Variants in RGS6 observed in about 807,000 individuals in gnomAD.
The protein encoded by RGS6 is regulator of G-protein signaling 6.
In RGS6, 30 loss-of-function variants were observed where a neutral mutation model predicts 78.5. The ratio of observed to expected loss-of-function variants is 0.38; its 90% CI spans 0.29 to 0.52. RGS6 has a LOEUF of 0.52. RGS6 is among the 20% of genes least tolerant of loss of function. The probability of loss-of-function intolerance (pLI) is 0.85; values close to 1 mark genes in which losing one functional copy is unlikely to be tolerated. For missense variants in RGS6, 495 were observed against 609.7 expected (o/e 0.81, Z 1.98); for synonymous variants, 206 against 206.0 (o/e 1.00, Z 0.00).
intron 15 of RGS6, 120 bp from the exon 16 acceptor site, chr14:72,536,066 A>C (rs1471438875): frequency 2.5e-5 from 19 of 749,626 alleles, no homozygotes. Flanking sequence ...TTCTAGGTAC[A>C]TGCAAACATA....
At chr14:72,549,600 A>C (rs2097468704) in intron 17 of RGS6, among the ~76,000 whole-genome samples, 1 of 152,208 alleles carries the variant, frequency 6.6e-6, no homozygotes, top group Non-Finnish European at 1.5e-5. Flanking sequence ...GGTGGCTCAC[A>C]TCTGTAATCC....
At chr14:72,481,477 C>T (rs1457284472) in intron 12 of RGS6, among the ~76,000 whole-genome samples, 1 of 152,196 alleles carries the variant, frequency 6.6e-6, no homozygotes, top group Non-Finnish European at 1.5e-5. Flanking sequence ...GCTGACCTTG[C>T]ACTGCATGTC....
chr14:72,075,200 G>A lies in RGS6; in HGVS notation c.84+110325G>A, dbSNP rs111842153. 2.1e-3 allele frequency among the ~76,000 whole-genome samples: 312 copies of A among 152,138 alleles called. 1 individual carries two copies. The highest frequency in any genetic ancestry group is 7.2e-3 in the African/African-American group (298 of 41,506). On this transcript the variant is annotated intron_variant, in intron 2 of 17. Coordinates refer to ENST00000553525, the MANE Select transcript of RGS6 (RefSeq NM_001204424.2). ...TAGGCATATTATCATTAGAAAACTC[G>A]CCCATTTTCCCATGGTGTTTAAAAG...
intron 15 of RGS6, among the ~76,000 whole-genome samples, chr14:72,523,381 A>G (rs115861446): frequency 0.028 from 4,319 of 152,228 alleles, 98 homozygotes; most frequent in East Asian, 0.076. Flanking sequence ...ACCTCAGCCC[A>G]TGGGGCTCAG....
chr14:72,540,839 G>A (rs17117164), intron 17 of RGS6: 16 of 985,254 alleles, frequency 1.6e-5, no homozygotes, highest in Non-Finnish European at 1.9e-5. Context: ...CAGGTTCATG[G>A]TACGCCCCAG....
At chr14:72,128,648 A>T (rs1197471000) in intron 2 of RGS6, among the ~76,000 whole-genome samples, 6 of 152,094 alleles carry the variant, frequency 3.9e-5, no homozygotes, top group Non-Finnish European at 8.8e-5. Flanking sequence ...TTAAATAAAC[A>T]CTCACTTATG....
intron 2 of RGS6, among the ~76,000 whole-genome samples, chr14:72,153,154 G>A (rs1203311331): frequency 6.6e-6 from 1 of 152,148 alleles, no homozygotes; most frequent in Admixed American, 6.5e-5. Flanking sequence ...AATGTCACTT[G>A]CTCTCTGTTG....
chr14:71,890,143 T>C, the RGS6 span, among the ~76,000 whole-genome samples: 36 of 152,158 alleles, frequency 2.4e-4, no homozygotes, highest in Non-Finnish European at 4.7e-4. Flanking sequence ...GTCTCTGGTA[T>C]TTCTTTACAG....
At chr14:72,068,663 AT>A in intron 2 of RGS6, among the ~76,000 whole-genome samples, 1 of 151,412 alleles carries the variant, frequency 6.6e-6, no homozygotes, top group East Asian at 2.0e-4. Flanking sequence ...CACCCGGCTA[AT>A]TTTTGCATTT....
intron 17 of RGS6, chr14:72,547,032 G>A: frequency 1.4e-6 from 1 of 738,802 alleles, no homozygotes; most frequent in East Asian, 2.7e-5. Context: ...CAGCCACATG[G>A]GAACTGTGTG....
chr14:72,541,665 G>T (rs1315662428), intron 17 of RGS6: 1 of 1,524,970 alleles, frequency 6.6e-7, no homozygotes, highest in Non-Finnish European at 8.8e-7. Context: ...TTGAGGACTG[G>T]CTACTGTGCG....
chr14:72,535,995 C>T (rs1220723681), intron 15 of RGS6, among the ~76,000 whole-genome samples, 191 bp from the exon 16 acceptor site: 1 of 152,118 alleles, frequency 6.6e-6, no homozygotes, highest in Non-Finnish European at 1.5e-5. Flanking sequence ...TAAGAGAGCC[C>T]ATATGTTTTG....
At chr14:72,415,907 C>G (rs533475379) in intron 3 of RGS6, among the ~76,000 whole-genome samples, 1 of 152,136 alleles carries the variant, frequency 6.6e-6, no homozygotes, top group Admixed American at 6.5e-5. Context: ...CCCAGCACTT[C>G]GGGAGGCCAA....
chr14:72,286,674 TAA>T (rs910096282), intron 2 of RGS6, among the ~76,000 whole-genome samples: 1 of 152,228 alleles, frequency 6.6e-6, no homozygotes, highest in African/African-American at 2.4e-5. Context: ...ATGTTTTCTT[TAA>T]TTTATTTCAT....
At chr14:72,588,758 C>T in the RGS6 span, among the ~76,000 whole-genome samples, 967 of 152,268 alleles carry the variant, frequency 6.4e-3, 17 homozygotes, top group African/African-American at 0.022. Context: ...TTCTTTCTTT[C>T]GGGGTACTCC....
chr14:72,460,300 A>C (rs2095746031), intron 6 of RGS6, among the ~76,000 whole-genome samples: 1 of 152,178 alleles, frequency 6.6e-6, no homozygotes, highest in Admixed American at 6.5e-5. Context: ...TTCTCTGAAG[A>C]AGTTTTATTA....
intron 2 of RGS6, among the ~76,000 whole-genome samples, chr14:72,221,098 ATC>A (rs1447195172): frequency 2.0e-5 from 3 of 152,146 alleles, no homozygotes; most frequent in Non-Finnish European, 4.4e-5. Flanking sequence ...ACCTCTACTT[ATC>A]TATTTGAAGT....
At chr14:72,183,749 G>A (rs1481415233) in intron 2 of RGS6, among the ~76,000 whole-genome samples, 1 of 152,180 alleles carries the variant, frequency 6.6e-6, no homozygotes, top group African/African-American at 2.4e-5. Context: ...AAGCAAGCAT[G>A]CTGATATCTT....
At chr14:72,011,318 A>T (rs1290334464) in intron 2 of RGS6, among the ~76,000 whole-genome samples, 1 of 152,150 alleles carries the variant, frequency 6.6e-6, no homozygotes, top group Non-Finnish European at 1.5e-5. Context: ...AATCCCATAT[A>T]CTTGGGCCTG....
Sources: allele counts gnomAD v4.1 joint callset (sites outside exome capture counted in the v4.1 genomes callset), GRCh38; gene constraint gnomAD v4.1.1; transcripts MANE v1.5; gene names NCBI Gene and HGNC (gene_info 2026-07-23, HGNC 2026-07-21).